FILIP1L: variants seen among roughly 807,000 people sequenced by gnomAD.
The protein encoded by FILIP1L is filamin A interacting protein 1 like.
A neutral mutation model predicts 96.6 loss-of-function variants in FILIP1L; 55 were observed. The ratio of observed to expected loss-of-function variants is 0.57; its 90% confidence interval spans 0.46 to 0.71. The LOEUF is 0.71. Ranked by LOEUF, FILIP1L falls within the 30% of genes least tolerant of loss-of-function variation. FILIP1L has a pLI of 0.00. For missense variants in FILIP1L, 1,304 were observed against 1,321.2 expected, an observed-to-expected ratio of 0.99 and a Z score of 0.20; for synonymous variants, 467 against 473.9, an observed-to-expected ratio of 0.99 and a Z score of 0.19.
At position 100,099,240 on chromosome 3, in the gene FILIP1L, C is replaced by T. The variant is rs377551283; in HGVS notation, c.-11+14813G>A. Among the ~76,000 whole-genome samples the T allele has an allele frequency of 5.5e-4, 84 of 152,204 alleles. 1 individual carries two copies. The highest frequency in any genetic ancestry group is 6.8e-3 in the Middle Eastern group (2 of 294). ...AGACTGAATATTTATCATCTTAGTA[C>T]GCACACTAGGAGCAATCAAATATAA... On this transcript the variant is annotated intron_variant, in intron 1 of 5. Transcript: ENST00000477258.
At chr3:99,846,684 G>A (rs557527573) in intron 5 of FILIP1L, among the ~76,000 whole-genome samples, 9 of 152,208 alleles carry the variant, frequency 5.9e-5, no homozygotes, top group African/African-American at 2.2e-4. Flanking sequence ...CACCATGGAA[G>A]TGTTTCTGTC....
intron 1 of FILIP1L, among the ~76,000 whole-genome samples, chr3:100,088,603 C>T (rs2066052251): frequency 1.3e-5 from 2 of 152,166 alleles, no homozygotes; most frequent in Admixed American, 1.3e-4. Context: ...CCAGTTTCCT[C>T]AGTCTTACAG....
chr3:100,097,894 A>G (rs1224881829), intron 1 of FILIP1L, among the ~76,000 whole-genome samples: 1 of 152,130 alleles, frequency 6.6e-6, no homozygotes, highest in Non-Finnish European at 1.5e-5. Context: ...GCTTTGTGTT[A>G]TATTTTTACT....
chr3:99,932,103 T>C (rs1337083208), intron 1 of FILIP1L, among the ~76,000 whole-genome samples: 2 of 152,192 alleles, frequency 1.3e-5, no homozygotes, highest in East Asian at 1.9e-4. Flanking sequence ...AATAATTTAC[T>C]GTATATTAGA....
chr3:99,963,916 A>G (rs1336095688), intron 1 of FILIP1L, among the ~76,000 whole-genome samples: 1 of 152,148 alleles, frequency 6.6e-6, no homozygotes, highest in African/African-American at 2.4e-5. Context: ...GCGCCCAGCC[A>G]CATCCATTTG....
In FILIP1L at chr3:99,848,414, G is replaced by C. The variant is rs202015243; in HGVS notation, c.3262C>G (p.Gln1088Glu). The C allele has an allele frequency of 1.2e-6, 2 of 1,614,064 alleles. No individual in the cohort carries two copies. Residue 1088 changes from glutamine to glutamate, a missense_variant, in exon 5 of 6, where the codon CAG becomes GAG. Coordinates refer to ENST00000477258, the MANE Select transcript of FILIP1L (RefSeq NM_001387850.1). ...VRPASPSAPL[Q>E]DNRTQGLING... ...ATTAAGCCTTGAGTTCGGTTATCCTGCAGTGGTGCTGAAGGGCTGGCAGGT... is the reference window on the plus strand; with the variant it reads ...ATTAAGCCTTGAGTTCGGTTATCCTCCAGTGGTGCTGAAGGGCTGGCAGGT...
chr3:100,078,784 G>A (rs940570574), intron 1 of FILIP1L, among the ~76,000 whole-genome samples: 5 of 151,994 alleles, frequency 3.3e-5, no homozygotes, highest in African/African-American at 7.3e-5. Context: ...CAAGCTACTC[G>A]GGAGGCTAAG....
rs1707394557 is a variant in FILIP1L, at chr3:99,929,279, T to C, written c.426+577A>G. Among the ~76,000 whole-genome samples, 3 of 152,332 alleles carry C rather than the reference T, an allele frequency of 2.0e-5. No homozygotes were observed. In the South Asian group the frequency reaches 6.2e-4, roughly 32 times the overall value. ...CACCTTTGCCGTTGTAATTGCTAGG[T>C]ACGCTTGGTGAGGGAAAGGTCTTTG... On this transcript the variant is annotated intron_variant, in intron 3 of 5. Coordinates refer to ENST00000477258, the MANE Select transcript of FILIP1L (RefSeq NM_001387850.1).
At chr3:100,024,008 C>G (rs1337978157) in intron 1 of FILIP1L, among the ~76,000 whole-genome samples, 1 of 152,144 alleles carries the variant, frequency 6.6e-6, no homozygotes, top group Non-Finnish European at 1.5e-5. Context: ...TGGGTTCACT[C>G]CCCCTTCAGC....
chr3:99,912,238 A>G (rs531303766), intron 4 of FILIP1L, among the ~76,000 whole-genome samples: 51 of 152,338 alleles, frequency 3.3e-4, no homozygotes, highest in African/African-American at 1.1e-3. Flanking sequence ...GAAAGAAAAC[A>G]GGGACAAATA....
At chr3:100,053,792 A>G (rs1177554272) in intron 1 of FILIP1L, among the ~76,000 whole-genome samples, 1 of 152,226 alleles carries the variant, frequency 6.6e-6, no homozygotes, top group Admixed American at 6.5e-5. Flanking sequence ...AACCCTAACT[A>G]ATCAATTCTT....
At chr3:100,090,719 C>A (rs904730205) in intron 1 of FILIP1L, among the ~76,000 whole-genome samples, 1 of 152,144 alleles carries the variant, frequency 6.6e-6, no homozygotes, top group Non-Finnish European at 1.5e-5. Flanking sequence ...CACCCAAATG[C>A]TCAGGAAAAC....
intron 4 of FILIP1L, among the ~76,000 whole-genome samples, chr3:99,907,375 A>G (rs1363787739): frequency 2.0e-5 from 3 of 151,792 alleles, no homozygotes; most frequent in Middle Eastern, 3.2e-3. Context: ...AGCCTCCCCA[A>G]CAGCTGGGAC....
intron 1 of FILIP1L, among the ~76,000 whole-genome samples, chr3:100,102,404 T>C (rs1334457869): frequency 6.6e-6 from 1 of 152,190 alleles, no homozygotes; most frequent in African/African-American, 2.4e-5. Context: ...AATGGGATAA[T>C]AAGGAAAGAG....
At chr3:99,967,615 C>T (rs1708693142) in intron 1 of FILIP1L, among the ~76,000 whole-genome samples, 1 of 152,150 alleles carries the variant, frequency 6.6e-6, no homozygotes, top group Non-Finnish European at 1.5e-5. Context: ...TCTCTCACGA[C>T]ACATGCAGAG....
intron 1 of FILIP1L, among the ~76,000 whole-genome samples, chr3:100,015,322 A>G (rs1284178321): frequency 6.6e-6 from 1 of 152,176 alleles, no homozygotes; most frequent in Non-Finnish European, 1.5e-5. Context: ...TAAATCAGGT[A>G]GTATGATGCT....
At chr3:99,984,454 G>C (rs1709271863) in intron 1 of FILIP1L, among the ~76,000 whole-genome samples, 1 of 152,116 alleles carries the variant, frequency 6.6e-6, no homozygotes, top group Non-Finnish European at 1.5e-5. Context: ...ACTTTTTTGT[G>C]AACTCTAAAG....
intron 1 of FILIP1L, among the ~76,000 whole-genome samples, chr3:100,043,657 A>AT (rs897106238): frequency 6.6e-6 from 1 of 152,204 alleles, no homozygotes; most frequent in African/African-American, 2.4e-5. Flanking sequence ...GATATGTTGA[A>AT]TTTATTTTTT....
chr3:100,103,888 TA>T (rs1466696822), intron 1 of FILIP1L, among the ~76,000 whole-genome samples: 2 of 152,228 alleles, frequency 1.3e-5, no homozygotes, highest in African/African-American at 4.8e-5. Flanking sequence ...GATATTTATG[TA>T]AATATCAACC....
Sources: allele counts gnomAD v4.1 joint callset (sites outside exome capture counted in the v4.1 genomes callset), GRCh38; gene constraint gnomAD v4.1.1; transcripts MANE v1.5; gene names NCBI Gene and HGNC (gene_info 2026-07-23, HGNC 2026-07-21).